The following CLSTN2 variants were observed in gnomAD, a reference collection of about 807,000 sequenced individuals.
CLSTN2 encodes calsyntenin 2, also known as calsyntenin-2.
CLSTN2 carries 48 observed loss-of-function variants against 101.2 expected under a neutral mutation model. The observed-to-expected ratio is 0.47, with a 90% confidence interval of 0.38 to 0.60. CLSTN2 has a LOEUF of 0.60. CLSTN2 is among the 20% of genes least tolerant of loss of function. The pLI, the probability that CLSTN2 is intolerant of heterozygous loss-of-function variation, is 0.00. For missense variants in CLSTN2, 1,160 were observed against 1,238.2 expected, an observed-to-expected ratio of 0.94 and a Z score of 0.95; for synonymous variants, 481 against 463.6, an observed-to-expected ratio of 1.04 and a Z score of -0.48.
intron 1 of CLSTN2, among the ~76,000 whole-genome samples, chr3:140,164,653 T>C (rs1559795220): frequency 6.6e-6 from 1 of 152,306 alleles, no homozygotes; most frequent in East Asian, 1.9e-4. Context: ...TTGATCCAGA[T>C]GACTTGTGTA....
intron 2 of CLSTN2, among the ~76,000 whole-genome samples, chr3:140,333,682 C>CTGTG (rs10545391): frequency 0.1 from 15,083 of 147,562 alleles, 791 homozygotes; most frequent in Middle Eastern, 0.14. Flanking sequence ...AGAGTGGAGA[C>CTGTG]TGTGTGTGTG....
chr3:140,427,739 T>C (rs1484816554), intron 5 of CLSTN2, among the ~76,000 whole-genome samples: 1 of 152,122 alleles, frequency 6.6e-6, no homozygotes, highest in Non-Finnish European at 1.5e-5. Context: ...TTTCTAAGCT[T>C]TCTCTATTTT....
intron 2 of CLSTN2, among the ~76,000 whole-genome samples, chr3:140,370,680 G>A (rs1261239454): frequency 2.0e-5 from 3 of 152,122 alleles, no homozygotes; most frequent in African/African-American, 7.2e-5. Flanking sequence ...GAGCTTAAGT[G>A]GGAAATACAC....
chr3:140,165,874 G>T (rs2010127361), intron 1 of CLSTN2, among the ~76,000 whole-genome samples: 2 of 152,184 alleles, frequency 1.3e-5, no homozygotes, highest in Admixed American at 1.3e-4. Context: ...TCTTTTAAAA[G>T]TTGGAGGAGA....
At chr3:140,130,542 A>G (rs982940833) in intron 1 of CLSTN2, among the ~76,000 whole-genome samples, 2 of 152,218 alleles carry the variant, frequency 1.3e-5, no homozygotes, top group Non-Finnish European at 2.9e-5. Context: ...GAACATTTAC[A>G]GTTACAAACT....
intron 2 of CLSTN2, among the ~76,000 whole-genome samples, chr3:140,308,966 T>A (rs2087138908): frequency 6.6e-6 from 1 of 152,218 alleles, no homozygotes; most frequent in African/African-American, 2.4e-5. Flanking sequence ...GAGTCCTGAT[T>A]CAACATTTTA....
intron 1 of CLSTN2, among the ~76,000 whole-genome samples, chr3:139,971,015 T>C (rs1439785257): frequency 6.6e-6 from 1 of 152,180 alleles, no homozygotes; most frequent in Non-Finnish European, 1.5e-5. Flanking sequence ...CTTGAGGAAA[T>C]CAATCAAAGG....
chr3:140,048,894 C>T (rs918153980), intron 1 of CLSTN2, among the ~76,000 whole-genome samples: 1 of 152,226 alleles, frequency 6.6e-6, no homozygotes, highest in Non-Finnish European at 1.5e-5. Context: ...CCCAGACTCT[C>T]ACTTCCTGTT....
intron 2 of CLSTN2, among the ~76,000 whole-genome samples, chr3:140,378,801 TG>T (rs1476527391): frequency 6.6e-6 from 1 of 152,320 alleles, no homozygotes; most frequent in East Asian, 1.9e-4. Flanking sequence ...CTCTAAAATG[TG>T]GTAAAAATAG....
intron 10 of CLSTN2, among the ~76,000 whole-genome samples, chr3:140,551,691 T>C (rs1044971773): frequency 6.6e-6 from 1 of 152,118 alleles, no homozygotes; most frequent in African/African-American, 2.4e-5. Context: ...TGGGTGACCT[T>C]GGGCAAGACA....
At position 140,569,505 on chromosome 3, in the gene CLSTN2, A is replaced by C. The variant is rs930011716; in HGVS notation, c.*3252A>C. On this transcript the variant is annotated 3_prime_UTR_variant, in exon 17 of 17. Coordinates refer to ENST00000458420, the MANE Select transcript of CLSTN2 (RefSeq NM_022131.3). ...AATGCTTAAATCCCAGTGCAGAATG[A>C]GTTGCTTCAGTGGAGTAAAGCAACC... 6.6e-6 allele frequency: 1 copy of C among 152,252 alleles called. No individual in the cohort carries two copies. The highest frequency in any genetic ancestry group is 1.5e-5 in the Non-Finnish European group (1 of 68,058). 9.4% of individuals were successfully genotyped at this position (152,252 alleles called of 1,614,324 possible). A position where few individuals can be genotyped will look rare whatever the true frequency, so the allele number is the denominator to read the frequency against.
chr3:140,215,591 A>G (rs2010909704), intron 2 of CLSTN2, among the ~76,000 whole-genome samples: 1 of 152,192 alleles, frequency 6.6e-6, no homozygotes, highest in African/African-American at 2.4e-5. Context: ...CTTATTTAAG[A>G]ATTTAGCACA....
chr3:140,208,859 C>A (rs1282227026), intron 2 of CLSTN2, among the ~76,000 whole-genome samples: 1 of 152,148 alleles, frequency 6.6e-6, no homozygotes, highest in Non-Finnish European at 1.5e-5. Flanking sequence ...GGAGTCAGTA[C>A]TTACATGCTG....
In CLSTN2 at chr3:139,949,454, C is replaced by A. The variant is rs72979852; in HGVS notation, c.109+13971C>A. Among the ~76,000 whole-genome samples, 691 of 152,230 alleles carry A rather than the reference C, an allele frequency of 4.5e-3. 4 individuals carry two copies. The highest frequency in any genetic ancestry group is 0.015 in the African/African-American group (629 of 41,536). The stretch of plus-strand genomic sequence containing the variant: ...GCAGAGCAGGAGGATTAGGAGAGGT[C>A]AACATCCCAGGAAGGGCCCTACTGG... On this transcript the variant is annotated intron_variant, in intron 1 of 16. Coordinates refer to ENST00000458420, the MANE Select transcript of CLSTN2 (RefSeq NM_022131.3).
chr3:140,043,218 A>C (rs1417735668), intron 1 of CLSTN2, among the ~76,000 whole-genome samples: 2 of 152,090 alleles, frequency 1.3e-5, no homozygotes, highest in African/African-American at 2.4e-5. Context: ...TCGCCATTCT[A>C]ACTGGTGTGA....
chr3:140,552,614 T>C (rs928644950), intron 10 of CLSTN2, among the ~76,000 whole-genome samples: 1 of 152,026 alleles, frequency 6.6e-6, no homozygotes, highest in Non-Finnish European at 1.5e-5. Flanking sequence ...CTCTGCTGAT[T>C]GCCATAGGAT....
intron 2 of CLSTN2, among the ~76,000 whole-genome samples, chr3:140,380,892 T>C (rs1407844197): frequency 6.6e-6 from 1 of 152,186 alleles, no homozygotes; most frequent in Non-Finnish European, 1.5e-5. Flanking sequence ...TGAAGAAGTG[T>C]AGTTGTGGGC....
At position 140,253,925 on chromosome 3, in the gene CLSTN2, A is replaced by T. The variant is rs921071726; in HGVS notation, c.232+77852A>T. Among the ~76,000 whole-genome samples, 3 of 152,126 alleles carry T rather than the reference A, an allele frequency of 2.0e-5. No homozygotes were observed. The East Asian group carries it at 5.8e-4, about 29-fold the overall frequency. On this transcript the variant is annotated intron_variant, in intron 2 of 16. Transcript: ENST00000458420. ...TGTGAACTGTTAGGGCTGTGCTCAA[A>T]GCCCTGAGAAGGCCTTTGTTGGGGT...
chr3:140,100,947 T>A lies in CLSTN2; in HGVS notation c.110-75004T>A, dbSNP rs542775989. Among the ~76,000 whole-genome samples the A allele has an allele frequency of 2.0e-5, 3 of 152,222 alleles. No individual in the cohort carries two copies. The South Asian group carries it at 6.2e-4, about 32-fold the overall frequency. ...GCCTTTATTGGTAGCATTGTTGCTGTCCCTTGTAATTAGGATATATCACTA... is the reference window on the plus strand; with the variant it reads ...GCCTTTATTGGTAGCATTGTTGCTGACCCTTGTAATTAGGATATATCACTA... On this transcript the variant is annotated intron_variant, in intron 1 of 16. Transcript: ENST00000458420.
Sources: allele counts gnomAD v4.1 joint callset (sites outside exome capture counted in the v4.1 genomes callset), GRCh38; gene constraint gnomAD v4.1.1; transcripts MANE v1.5; gene names NCBI Gene and HGNC (gene_info 2026-07-23, HGNC 2026-07-21).